The following NIN variants were observed in gnomAD, a reference collection of about 807,000 sequenced individuals.
NIN encodes ninein.
Under a neutral mutation model 257.6 loss-of-function variants are expected in NIN, and 137 were observed. The ratio of observed to expected loss-of-function variants is 0.53; its 90% CI spans 0.46 to 0.61. The LOEUF (loss-of-function observed/expected upper bound fraction) is 0.61. Ranked by LOEUF, NIN falls within the 20% of genes least tolerant of loss-of-function variation. The pLI is 0.00. For synonymous variants in NIN, 918 were observed against 919.8 expected, an observed-to-expected ratio of 1.00 and a Z score of 0.04; for missense variants, 2,439 against 2,501.2, an observed-to-expected ratio of 0.98 and a Z score of 0.53.
In NIN at chr14:50,790,744, T is replaced by C. The variant is rs1031344906; in HGVS notation, c.435+1968A>G. The stretch of plus-strand genomic sequence containing the variant: ...AGTTGTAAGTACATCAAGGGTGAAA[T>C]GATACTCCCAAAATACCATTTTACT... On this transcript the variant is annotated intron_variant, in intron 5 of 30. Coordinates refer to ENST00000530997, the MANE Select transcript of NIN (RefSeq NM_020921.4). Among the ~76,000 whole-genome samples the C allele has an allele frequency of 4.6e-5, 7 of 152,272 alleles. 1 individual carries two copies. The highest frequency in any genetic ancestry group is 2.1e-4 in the South Asian group (1 of 4,826).
In NIN at chr14:50,773,946, G is replaced by A. The variant is rs373564474; in HGVS notation, c.667-851C>T. Among the ~76,000 whole-genome samples, 8 of 152,322 alleles carry A rather than the reference G, an allele frequency of 5.3e-5. No homozygotes were observed. The East Asian group carries it at 1.2e-3, about 22-fold the overall frequency. Reference sequence around the variant, plus strand: ...TGAAGCCACAGAACGAGGAGGAAAGGCAAAGCCCTCCCACTAGCAGTCAGA... The same window carrying A: ...TGAAGCCACAGAACGAGGAGGAAAGACAAAGCCCTCCCACTAGCAGTCAGA... On this transcript the variant is annotated intron_variant, in intron 7 of 30. Transcript: ENST00000530997.
At chr14:50,766,671 A>C in intron 13 of NIN, 109 bp downstream of exon 13, 1 of 744,334 alleles carries the variant, frequency 1.3e-6, no homozygotes. Context: ...CCATTTAGCT[A>C]CCCCAGTAAT....
At chr14:50,735,084 C>G (rs2040910808) in intron 28 of NIN, among the ~76,000 whole-genome samples, 1 of 152,154 alleles carries the variant, frequency 6.6e-6, no homozygotes, top group Non-Finnish European at 1.5e-5. Context: ...ATTAAAACTT[C>G]CAAATGTTAA....
Position 50,772,453 on chromosome 14 carries a change from C to T in NIN, c.829G>A (p.Gly277Arg). The T allele has an allele frequency of 6.2e-7, 1 of 1,614,134 alleles. No homozygotes were observed. The highest frequency in any genetic ancestry group is 8.5e-7 in the Non-Finnish European group (1 of 1,180,002). ...GCTGATGAGGTTGTGGTACGTCGTCCACTCTCATCGAAAGACTGGAAGGAG... is the reference window on the plus strand; with the variant it reads ...GCTGATGAGGTTGTGGTACGTCGTCTACTCTCATCGAAAGACTGGAAGGAG... ...HLSMQSFDES[G>R]RRTTTSSAMT... Residue 277 changes from glycine to arginine, a missense_variant, in exon 9 of 31, where the codon GGA becomes AGA. Coordinates refer to ENST00000530997, the MANE Select transcript of NIN (RefSeq NM_020921.4).
intron 20 of NIN, 50 bp from the exon 21 acceptor site, chr14:50,752,783 A>G (rs750418546): frequency 2.5e-4 from 9 of 36,660 alleles, no homozygotes; most frequent in Middle Eastern, 0.012. Context: ...TACTTGTGCT[A>G]AAAAAAAAAA....
chr14:50,811,071 G>A (rs1434988292), intron 3 of NIN, among the ~76,000 whole-genome samples: 1 of 151,400 alleles, frequency 6.6e-6, no homozygotes, highest in African/African-American at 2.4e-5. Flanking sequence ...CATGCTTAGT[G>A]TTGAGGCAAG....
At chr14:50,785,319 AC>A (rs1225877575) in intron 5 of NIN, among the ~76,000 whole-genome samples, 3 of 152,206 alleles carry the variant, frequency 2.0e-5, no homozygotes, top group Admixed American at 1.3e-4. Context: ...CCCAGCCGCC[AC>A]CCCCACCAGC....
chr14:50,786,908 T>C (rs1267732156), intron 5 of NIN, among the ~76,000 whole-genome samples: 1 of 152,204 alleles, frequency 6.6e-6, no homozygotes, highest in Non-Finnish European at 1.5e-5. Context: ...AGGGAAAAGA[T>C]AAGTCAGTTT....
chr14:50,806,595 G>T, intron 4 of NIN, 142 bp downstream of exon 4: 1 of 529,696 alleles, frequency 1.9e-6, no homozygotes, highest in Non-Finnish European at 3.3e-6. Context: ...TGATAATATT[G>T]AAGAGAAGTC....
At chr14:50,792,526 A>T (rs1410490671) in intron 5 of NIN, 186 bp downstream of exon 5, 1 of 626,568 alleles carries the variant, frequency 1.6e-6, no homozygotes, top group East Asian at 2.8e-5. Context: ...GAAACGAGGT[A>T]AAAACATTCA....
chr14:50,790,099 G>C (rs574480835), intron 5 of NIN, among the ~76,000 whole-genome samples: 1 of 152,268 alleles, frequency 6.6e-6, no homozygotes, highest in African/African-American at 2.4e-5. Context: ...CTGTCACCCA[G>C]GCTGGAGTGC....
chr14:50,759,704 A>AGGAT (rs1336920945), intron 17 of NIN, among the ~76,000 whole-genome samples, 153 bp downstream of exon 17: 7 of 152,118 alleles, frequency 4.6e-5, no homozygotes, highest in Non-Finnish European at 8.8e-5. Context: ...CATGTTAGCC[A>AGGAT]GGTCTCGATC....
intron 12 of NIN, among the ~76,000 whole-genome samples, chr14:50,767,617 A>G (rs950144038): frequency 6.6e-6 from 1 of 152,154 alleles, no homozygotes; most frequent in Non-Finnish European, 1.5e-5. Context: ...GGAGATCGAG[A>G]CCATCCTGGC....
At chr14:50,753,016 C>T (rs775862241) in intron 20 of NIN, among the ~76,000 whole-genome samples, 4 of 152,142 alleles carry the variant, frequency 2.6e-5, no homozygotes, top group South Asian at 2.1e-4. Flanking sequence ...ATATACAGAA[C>T]CCATACACAC....
chr14:50,811,475 A>C (rs1481199764), intron 3 of NIN, among the ~76,000 whole-genome samples: 1 of 151,786 alleles, frequency 6.6e-6, no homozygotes, highest in Non-Finnish European at 1.5e-5. Flanking sequence ...ATGATCAAGA[A>C]CAATCTAGTT....
At position 50,737,723 on chromosome 14, in the gene NIN, C is replaced by T. The variant is rs149336574; in HGVS notation, c.5775+417G>A. ...TACACTGTGTGATCTTAGCTCACTGCAACCTCCGCCTCCTGGGTTCCAGCA... is the reference window on the plus strand; with the variant it reads ...TACACTGTGTGATCTTAGCTCACTGTAACCTCCGCCTCCTGGGTTCCAGCA... On this transcript the variant is annotated intron_variant, in intron 27 of 30. Transcript: ENST00000530997. Among the ~76,000 whole-genome samples the T allele has an allele frequency of 1.3e-4, 19 of 150,364 alleles. No homozygotes were observed. The East Asian group carries it at 3.4e-3, about 27-fold the overall frequency.
At chr14:50,735,696 G>C in intron 27 of NIN, 79 bp from the exon 28 acceptor site, 3 of 1,469,928 alleles carry the variant, frequency 2.0e-6, no homozygotes, top group Non-Finnish European at 2.7e-6. Context: ...TGACAAATCT[G>C]TGCTTGTCAG....
rs775321986 is a variant in NIN at position 50,757,394 on chromosome 14, C to T, written c.3636G>A (p.Ala1212=). 5.5e-5 allele frequency: 88 copies of T among 1,613,968 alleles called. No homozygotes were observed. The highest frequency in any genetic ancestry group is 2.2e-4 in the East Asian group (10 of 44,884). Residue 1212 remains alanine, a synonymous_variant, in exon 18 of 31, where the codon GCG becomes GCA. Coordinates refer to ENST00000530997, the MANE Select transcript of NIN (RefSeq NM_020921.4). The part of the protein sequence containing the change: ...QLQEQLMMLC[A]DCDRASEKKQ... ...TCTTTTCAGAAGCTCGATCACAGTC[C>T]GCACATAACATCATTAGCTGTTCCT...
intron 2 of NIN, among the ~76,000 whole-genome samples, chr14:50,824,012 G>T (rs1274409218): frequency 6.6e-6 from 1 of 152,174 alleles, no homozygotes; most frequent in East Asian, 1.9e-4. Context: ...TCCCCAAGGT[G>T]CTCCAGGATT....
Sources: allele counts gnomAD v4.1 joint callset (sites outside exome capture counted in the v4.1 genomes callset), GRCh38; gene constraint gnomAD v4.1.1; transcripts MANE v1.5; gene names NCBI Gene and HGNC (gene_info 2026-07-23, HGNC 2026-07-21).